GPC5: variants seen among roughly 807,000 people sequenced by gnomAD.
GPC5 encodes the protein glypican-5.
GPC5 carries 47 observed loss-of-function variants against 53.9 expected under a neutral mutation model. That is an observed-to-expected ratio of 0.87 (90% confidence interval 0.69 to 1.11). The LOEUF is 1.11. Ranked by LOEUF, GPC5 falls within the 50% of genes most tolerant of loss-of-function variation. The pLI, the probability that GPC5 is intolerant of heterozygous loss-of-function variation, is 0.00. For synonymous variants in GPC5, 286 were observed against 263.3 expected (o/e 1.09, Z -0.84); for missense variants, 748 against 713.1 (o/e 1.05, Z -0.56).
chr13:92,059,681 T>C (rs1417269659), intron 6 of GPC5, among the ~76,000 whole-genome samples: 2 of 152,040 alleles, frequency 1.3e-5, no homozygotes, highest in Non-Finnish European at 2.9e-5. Context: ...TTTAAGATGT[T>C]TCCATATTTC....
At chr13:91,449,974 C>T (rs1456051258) in intron 2 of GPC5, among the ~76,000 whole-genome samples, 2 of 152,032 alleles carry the variant, frequency 1.3e-5, no homozygotes, top group East Asian at 1.9e-4. Flanking sequence ...TAAATAAGTA[C>T]ATTAATGTCA....
At chr13:91,716,072 C>T (rs141338578) in intron 3 of GPC5, among the ~76,000 whole-genome samples, 1 of 151,992 alleles carries the variant, frequency 6.6e-6, no homozygotes, top group African/African-American at 2.4e-5. Context: ...AGCCACCATG[C>T]CTGGCCCATC....
intron 3 of GPC5, among the ~76,000 whole-genome samples, chr13:91,715,472 T>C (rs530614398): frequency 1.3e-5 from 2 of 152,330 alleles, no homozygotes; most frequent in African/African-American, 4.8e-5. Context: ...AGTATAATTC[T>C]AATTTGGTAA....
intron 2 of GPC5, among the ~76,000 whole-genome samples, chr13:91,545,700 A>G (rs976507197): frequency 3.3e-5 from 5 of 151,928 alleles, no homozygotes; most frequent in Non-Finnish European, 5.9e-5. Context: ...GTAACTTCCC[A>G]TTTCCTCCTC....
intron 6 of GPC5, among the ~76,000 whole-genome samples, chr13:92,116,931 G>A (rs994420813): frequency 3.2e-4 from 48 of 152,064 alleles, no homozygotes; most frequent in African/African-American, 8.2e-4. Flanking sequence ...TTACATATTC[G>A]GAATACAGTT....
chr13:91,456,105 C>T (rs1198884694), intron 2 of GPC5, among the ~76,000 whole-genome samples: 2 of 152,078 alleles, frequency 1.3e-5, no homozygotes, highest in African/African-American at 2.4e-5. Flanking sequence ...AATGTATCTT[C>T]CAGTCTCTTA....
At chr13:91,882,688 T>TTTTTTG (rs1157504726) in intron 5 of GPC5, among the ~76,000 whole-genome samples, 3 of 147,366 alleles carry the variant, frequency 2.0e-5, no homozygotes, top group African/African-American at 7.4e-5. Context: ...TTTTTTTTTT[T>TTTTTTG]TCGTAATTTC....
Position 92,236,084 on chromosome 13 carries a change from T to C in GPC5, c.1561+91095T>C, listed in dbSNP as rs547180943. Among the ~76,000 whole-genome samples the C allele has an allele frequency of 1.4e-4, 21 of 152,220 alleles. 1 individual carries two copies. In the Middle Eastern group the frequency reaches 0.014, roughly 99 times the overall value. ...TTAAGAAATAAGGTAATATTTATTT[T>C]AGTTCTGTATTATAACAAGCACCAA... is the stretch of plus-strand genomic sequence containing the variant. On this transcript the variant is annotated intron_variant, in intron 7 of 7. Transcript: ENST00000377067.
intron 6 of GPC5, among the ~76,000 whole-genome samples, chr13:92,016,597 G>A (rs773344381): frequency 3.9e-5 from 6 of 152,088 alleles, no homozygotes; most frequent in Non-Finnish European, 7.3e-5. Context: ...GCCAATACAC[G>A]CCTAAGCTTT....
At chr13:91,400,241 G>A (rs1876833744) in intron 1 of GPC5, among the ~76,000 whole-genome samples, 1 of 152,210 alleles carries the variant, frequency 6.6e-6, no homozygotes, top group Non-Finnish European at 1.5e-5. Context: ...CGAGTTTCCA[G>A]GGTTGGGGGA....
rs117716828 is a variant in GPC5 at position 91,776,065 on chromosome 13, C to T, written c.1280+19645C>T. Among the ~76,000 whole-genome samples the T allele has an allele frequency of 1.5e-3, 226 of 152,256 alleles. 1 individual carries two copies. The East Asian group carries it at 0.043, about 29-fold the overall frequency. ...AATGAGGGGTACTTCCACATGTTGC[C>T]TCAGACCACCAGAAAGTTTTTGGAT... On this transcript the variant is annotated intron_variant, in intron 5 of 7. Transcript: ENST00000377067.
At chr13:91,621,761 T>TATA (rs11462875) in intron 2 of GPC5, among the ~76,000 whole-genome samples, 2,292 of 46,792 alleles carry the variant, frequency 0.049, 518 homozygotes, top group African/African-American at 0.11. Flanking sequence ...GGACAGAACA[T>TATA]TATATATATA....
intron 7 of GPC5, among the ~76,000 whole-genome samples, chr13:92,524,226 A>C (rs1881184786): frequency 6.6e-6 from 1 of 152,204 alleles, no homozygotes; most frequent in Admixed American, 6.5e-5. Flanking sequence ...ATCTCTCCTA[A>C]GTTTATGGAA....
chr13:91,991,739 T>A (rs1454835709), intron 6 of GPC5, among the ~76,000 whole-genome samples: 1 of 152,164 alleles, frequency 6.6e-6, no homozygotes, highest in East Asian at 1.9e-4. Context: ...GGATAAAATG[T>A]TCTGTCTGGT....
At chr13:91,781,997 A>C (rs1425538135) in intron 5 of GPC5, among the ~76,000 whole-genome samples, 1 of 152,254 alleles carries the variant, frequency 6.6e-6, no homozygotes, top group Non-Finnish European at 1.5e-5. Flanking sequence ...AACATATTAA[A>C]ATATGACTTG....
At chr13:91,560,772 A>C (rs1255825405) in intron 2 of GPC5, among the ~76,000 whole-genome samples, 1 of 149,986 alleles carries the variant, frequency 6.7e-6, no homozygotes, top group Non-Finnish European at 1.5e-5. Flanking sequence ...TAGGAAAAAA[A>C]ATTAATGTTA....
intron 7 of GPC5, among the ~76,000 whole-genome samples, chr13:92,629,335 T>A (rs1885159821): frequency 6.6e-6 from 1 of 152,180 alleles, no homozygotes. Flanking sequence ...TAAGGCAGTT[T>A]GCCTCCTCTT....
chr13:92,475,137 A>T (rs1403520989), intron 7 of GPC5, among the ~76,000 whole-genome samples: 3 of 152,114 alleles, frequency 2.0e-5, no homozygotes, highest in Non-Finnish European at 4.4e-5. Flanking sequence ...AGGTAGTGTG[A>T]TGCTTCCAGC....
intron 7 of GPC5, among the ~76,000 whole-genome samples, chr13:92,822,515 G>A (rs2138811461): frequency 6.6e-6 from 1 of 152,114 alleles, no homozygotes; most frequent in African/African-American, 2.4e-5. Context: ...AAATGACCAG[G>A]ATACATGTGG....
Sources: gnomAD v4.1 joint callset for allele counts (sites outside exome capture counted in the v4.1 genomes callset) on GRCh38, gnomAD v4.1.1 for gene constraint, MANE v1.5 for transcripts, NCBI Gene and HGNC (gene_info 2026-07-23, HGNC 2026-07-21) for gene names.